PLEKHD1: variants seen among roughly 807,000 people sequenced by gnomAD.
The protein encoded by PLEKHD1 is pleckstrin homology and coiled-coil domain containing D1, also known as pleckstrin homology domain-containing family D member 1.
Under a neutral mutation model 69.2 loss-of-function variants are expected in PLEKHD1, and 51 were observed. The observed-to-expected ratio is 0.74, with a 90% CI of 0.59 to 0.93. PLEKHD1 has a LOEUF of 0.93. PLEKHD1 is among the 40% of genes least tolerant of loss of function. PLEKHD1 has a pLI of 0.00. For synonymous variants in PLEKHD1, 236 were observed against 244.7 expected (o/e 0.96, Z 0.33); for missense variants, 584 against 641.0 (o/e 0.91, Z 0.96).
In PLEKHD1 at chr14:69,531,134, A is replaced by G. The variant is rs1883781157; in HGVS notation, c.*2715A>G. ...TGAAACTCTGTCTCAGAAAAAAAAA[A>G]AAGGTCCCACCTCTTAATATTGTTA... On this transcript the variant is annotated 3_prime_UTR_variant, in exon 13 of 13. Transcript: ENST00000322564. 1 of 152,174 alleles carries G rather than the reference A, an allele frequency of 6.6e-6. No individual in the cohort carries two copies. Among genetic ancestry groups the G allele is most frequent in the Admixed American group, 6.5e-5 (1 of 15,272 alleles). The allele number at this position is 152,174 out of a possible 1,614,324, so 9.4% of individuals were successfully genotyped here. A position where few individuals can be genotyped will look rare whatever the true frequency, so the allele number is the denominator to read the frequency against.
intron 1 of PLEKHD1, among the ~76,000 whole-genome samples, chr14:69,499,402 G>A (rs371931632): frequency 1.5e-4 from 23 of 152,298 alleles, no homozygotes; most frequent in Non-Finnish European, 2.5e-4. Context: ...AGCGCCAATC[G>A]GACCTTCCCC....
chr14:69,481,220 G>A (rs1318979965), upstream of PLEKHD1, among the ~76,000 whole-genome samples: 1 of 152,180 alleles, frequency 6.6e-6, no homozygotes, highest in African/African-American at 2.4e-5. Flanking sequence ...CTACTCAGGA[G>A]GCTGAGATGG....
chr14:69,505,532 C>T (rs1294673537), intron 6 of PLEKHD1, among the ~76,000 whole-genome samples: 2 of 152,158 alleles, frequency 1.3e-5, no homozygotes, highest in Non-Finnish European at 2.9e-5. Context: ...GATATGGAAC[C>T]AGGAGACCTG....
chr14:69,497,952 C>T (rs969235824), intron 1 of PLEKHD1, among the ~76,000 whole-genome samples: 1 of 151,996 alleles, frequency 6.6e-6, no homozygotes, highest in African/African-American at 2.4e-5. Context: ...TTTGAGAGGC[C>T]GAGGCAGGAG....
chr14:69,474,494 C>T, the PLEKHD1 span, among the ~76,000 whole-genome samples: 2 of 152,214 alleles, frequency 1.3e-5, no homozygotes, highest in Non-Finnish European at 2.9e-5. Flanking sequence ...TCACCTGTGA[C>T]CTGTGCCCCA....
chr14:69,502,921 G>T, intron 6 of PLEKHD1, 42 bp downstream of exon 6: 1 of 1,548,922 alleles, frequency 6.5e-7, no homozygotes, highest in South Asian at 1.2e-5. Context: ...GTGGTGTAAT[G>T]GCTCACGTTT....
rs1883737856 is a variant in PLEKHD1 at position 69,529,295 on chromosome 14, C to T, written c.*876C>T. ...GTGGCTCATGCCTGTAATCCCAGCA[C>T]TTTGAGAGGCCGAGGCGGGAGGATT... On this transcript the variant is annotated 3_prime_UTR_variant, in exon 13 of 13. Coordinates refer to ENST00000322564, the MANE Select transcript of PLEKHD1 (RefSeq NM_001161498.2). 1 of 152,274 alleles carries T rather than the reference C, an allele frequency of 6.6e-6. No individual in the cohort carries two copies. 9.4% of individuals were successfully genotyped at this position (152,274 alleles called of 1,614,324 possible).
intron 6 of PLEKHD1, among the ~76,000 whole-genome samples, chr14:69,519,389 C>T (rs894042355): frequency 6.6e-6 from 1 of 152,048 alleles, no homozygotes; most frequent in East Asian, 2.0e-4. Flanking sequence ...ACTTTAATTG[C>T]CTTTAAAGTT....
intron 2 of PLEKHD1, 184 bp downstream of exon 2, chr14:69,500,392 C>T (rs949861528): frequency 6.5e-5 from 45 of 692,690 alleles, no homozygotes; most frequent in Non-Finnish European, 8.6e-5. Context: ...CTCCTGTGCC[C>T]CAGACCCTGC....
intron 1 of PLEKHD1, among the ~76,000 whole-genome samples, chr14:69,491,129 G>C (rs1342311000): frequency 6.6e-6 from 1 of 152,126 alleles, no homozygotes; most frequent in Non-Finnish European, 1.5e-5. Context: ...CTAGTTTCTT[G>C]GTTGATGGAT....
At position 69,501,727 on chromosome 14, in the gene PLEKHD1, T is replaced by A. The variant is rs144570723; in HGVS notation, c.411-7T>A. ...TCTCCTCTGTCCCATCTGCCCTCCC[T>A]CCCCAGGACCTGGAAGAATGCCCAG... is the stretch of plus-strand genomic sequence containing the variant. On this transcript the variant is annotated splice_polypyrimidine_tract_variant and splice_region_variant and intron_variant, in intron 4 of 12. Transcript: ENST00000322564. The A allele has an allele frequency of 0.016, 24,950 of 1,548,390 alleles. 288 individuals carry two copies. The highest frequency in any genetic ancestry group is 0.019 in the Non-Finnish European group (21,901 of 1,144,886).
intron 1 of PLEKHD1, among the ~76,000 whole-genome samples, chr14:69,490,634 G>A (rs1222687253): frequency 1.3e-5 from 2 of 152,204 alleles, no homozygotes; most frequent in East Asian, 3.9e-4. Context: ...AATGTGTCAT[G>A]ACTCATGCAT....
intron 1 of PLEKHD1, among the ~76,000 whole-genome samples, chr14:69,497,121 C>G (rs764679106): frequency 4.6e-5 from 7 of 152,150 alleles, no homozygotes; most frequent in Non-Finnish European, 5.9e-5. Context: ...TCAGCGCTGT[C>G]CTGAGTCCTC....
intron 1 of PLEKHD1, among the ~76,000 whole-genome samples, chr14:69,497,138 T>C (rs892167190): frequency 6.6e-6 from 1 of 152,172 alleles, no homozygotes; most frequent in African/African-American, 2.4e-5. Flanking sequence ...CCTCCGCAGA[T>C]TGGTGGGGTG....
chr14:69,509,385 T>C (rs1269129048), intron 6 of PLEKHD1, among the ~76,000 whole-genome samples: 2 of 152,242 alleles, frequency 1.3e-5, no homozygotes, highest in Non-Finnish European at 2.9e-5. Context: ...AATTACTTCC[T>C]TCAAAGATCA....
chr14:69,528,122 T>C, intron 12 of PLEKHD1, 128 bp from the exon 13 acceptor site: 4 of 1,406,008 alleles, frequency 2.8e-6, no homozygotes, highest in Non-Finnish European at 3.8e-6. Context: ...AGCCCGTGTG[T>C]GTGGGAAGGG....
intron 6 of PLEKHD1, among the ~76,000 whole-genome samples, chr14:69,520,349 T>C (rs1594990886): frequency 6.6e-6 from 1 of 151,704 alleles, no homozygotes; most frequent in Non-Finnish European, 1.5e-5. Context: ...TATAAAGGGG[T>C]TTATCATCAT....
chr14:69,510,295 T>C (rs1340331409), intron 6 of PLEKHD1, among the ~76,000 whole-genome samples: 4 of 152,238 alleles, frequency 2.6e-5, no homozygotes, highest in African/African-American at 9.6e-5. Context: ...AAATGATATC[T>C]TGCAAATATT....
At chr14:69,470,189 A>G in the PLEKHD1 span, among the ~76,000 whole-genome samples, 1 of 152,036 alleles carries the variant, frequency 6.6e-6, no homozygotes, top group Non-Finnish European at 1.5e-5. Context: ...ATGGCCGGGC[A>G]CAGTGGCTCA....
Sources: gnomAD v4.1 joint callset for allele counts (sites outside exome capture counted in the v4.1 genomes callset) on GRCh38, gnomAD v4.1.1 for gene constraint, MANE v1.5 for transcripts, NCBI Gene and HGNC (gene_info 2026-07-23, HGNC 2026-07-21) for gene names.